ROBO1: variants seen among roughly 807,000 people sequenced by gnomAD.
ROBO1 encodes the protein roundabout homolog 1.
In ROBO1, 149 loss-of-function variants were observed where a neutral mutation model predicts 195.9. The ratio of observed to expected loss-of-function variants is 0.76; its 90% confidence interval spans 0.67 to 0.87. The LOEUF (loss-of-function observed/expected upper bound fraction) is 0.87. Ranked by LOEUF, ROBO1 falls within the 40% of genes least tolerant of loss-of-function variation. The pLI, the probability that ROBO1 is intolerant of heterozygous loss-of-function variation, is 0.00. For missense variants in ROBO1, 1,933 were observed against 2,068.3 expected (o/e 0.93, Z 1.27); for synonymous variants, 816 against 733.2 (o/e 1.11, Z -1.82).
At chr3:79,640,752 G>T (rs1312428844) in intron 1 of ROBO1, among the ~76,000 whole-genome samples, 2 of 152,006 alleles carry the variant, frequency 1.3e-5, no homozygotes, top group Admixed American at 1.3e-4. Context: ...TTCTTTATTG[G>T]ATTTTAATCA....
intron 3 of ROBO1, among the ~76,000 whole-genome samples, chr3:78,993,673 G>A (rs1195594662): frequency 6.6e-6 from 1 of 152,082 alleles, no homozygotes; most frequent in African/African-American, 2.4e-5. Context: ...GGGTGGCTGT[G>A]TTTTTTGAAG....
chr3:79,270,064 C>G (rs1279377875), intron 2 of ROBO1, among the ~76,000 whole-genome samples: 17 of 151,706 alleles, frequency 1.1e-4, no homozygotes. Flanking sequence ...CATATGGTAG[C>G]TCAGTTTCTA....
intron 1 of ROBO1, among the ~76,000 whole-genome samples, chr3:79,618,688 A>T (rs1405293310): frequency 6.6e-6 from 1 of 152,136 alleles, no homozygotes; most frequent in Non-Finnish European, 1.5e-5. Flanking sequence ...GCTCACAGAA[A>T]GCCTGTTTCA....
chr3:79,383,589 G>T (rs886279513), intron 2 of ROBO1, among the ~76,000 whole-genome samples: 1 of 152,002 alleles, frequency 6.6e-6, no homozygotes, highest in Admixed American at 6.6e-5. Context: ...GAACTGGAAC[G>T]AAGCCACATT....
At chr3:79,615,371 A>T (rs1007593586) in intron 1 of ROBO1, among the ~76,000 whole-genome samples, 1 of 152,192 alleles carries the variant, frequency 6.6e-6, no homozygotes, top group Non-Finnish European at 1.5e-5. Flanking sequence ...AGACTGAACC[A>T]ATGCACAACG....
At chr3:79,113,037 T>C (rs919545779) in intron 3 of ROBO1, among the ~76,000 whole-genome samples, 3 of 152,048 alleles carry the variant, frequency 2.0e-5, no homozygotes, top group East Asian at 3.9e-4. Flanking sequence ...CCTCACTCAA[T>C]GCAGAAGCTT....
rs1199582352 is a variant in ROBO1 at position 79,175,186 on chromosome 3, A to G, written c.89-49647T>C. Among the ~76,000 whole-genome samples, 4 of 152,330 alleles carry G rather than the reference A, an allele frequency of 2.6e-5. No individual in the cohort carries two copies. In the East Asian group the frequency reaches 7.7e-4, roughly 29 times the overall value. On this transcript the variant is annotated intron_variant, in intron 2 of 30. Coordinates refer to ENST00000464233, the MANE Select transcript of ROBO1 (RefSeq NM_002941.4). ...AGTAGAAACCCCAATGGGCTTAAAC[A>G]TCTTTACTTCTCAAACTTATAATAA...
At chr3:78,891,205 A>G (rs977987706) in intron 4 of ROBO1, among the ~76,000 whole-genome samples, 6 of 152,202 alleles carry the variant, frequency 3.9e-5, no homozygotes, top group Non-Finnish European at 7.3e-5. Context: ...GATTATATAC[A>G]ATGGAAAAAA....
chr3:79,663,996 A>G (rs1946402402), intron 1 of ROBO1, among the ~76,000 whole-genome samples: 1 of 152,106 alleles, frequency 6.6e-6, no homozygotes, highest in African/African-American at 2.4e-5. Context: ...GTCAACGAAT[A>G]GCTGAAACTA....
intron 1 of ROBO1, among the ~76,000 whole-genome samples, chr3:79,741,766 T>G (rs557770818): frequency 6.6e-6 from 1 of 152,312 alleles, no homozygotes; most frequent in Middle Eastern, 3.4e-3. Context: ...GTTAAATGAT[T>G]GTGACAAAAG....
intron 2 of ROBO1, among the ~76,000 whole-genome samples, chr3:79,579,410 C>T (rs985113952): frequency 6.6e-6 from 1 of 152,056 alleles, no homozygotes; most frequent in Non-Finnish European, 1.5e-5. Flanking sequence ...AAGGAAGACA[C>T]CCTTAGGTAG....
At chr3:79,295,431 A>G (rs1164789864) in intron 2 of ROBO1, among the ~76,000 whole-genome samples, 1 of 152,126 alleles carries the variant, frequency 6.6e-6, no homozygotes, top group East Asian at 1.9e-4. Flanking sequence ...GGAGAACATC[A>G]CACACCAGGG....
At chr3:79,654,590 G>A (rs955593190) in intron 1 of ROBO1, among the ~76,000 whole-genome samples, 1 of 151,950 alleles carries the variant, frequency 6.6e-6, no homozygotes, top group African/African-American at 2.4e-5. Context: ...AACTTTAGTT[G>A]TTCTGTCTAT....
chr3:79,096,865 A>G (rs1175941258), intron 3 of ROBO1, among the ~76,000 whole-genome samples: 3 of 151,628 alleles, frequency 2.0e-5, no homozygotes, highest in African/African-American at 7.3e-5. Context: ...AAACCACTCA[A>G]TAAAAGGATT....
chr3:79,127,031 C>A (rs767317602), intron 2 of ROBO1, among the ~76,000 whole-genome samples: 1 of 150,424 alleles, frequency 6.6e-6, no homozygotes, highest in Admixed American at 6.6e-5. Flanking sequence ...AAGTTAAGAT[C>A]TGTGCAGACA....
At chr3:79,230,787 G>C (rs1454668319) in intron 2 of ROBO1, among the ~76,000 whole-genome samples, 1 of 152,080 alleles carries the variant, frequency 6.6e-6, no homozygotes, top group African/African-American at 2.4e-5. Context: ...AAAGAACAAA[G>C]CTGGAGGCAT....
chr3:78,871,231 A>G (rs1218004615), intron 4 of ROBO1, among the ~76,000 whole-genome samples: 1 of 152,190 alleles, frequency 6.6e-6, no homozygotes, highest in Non-Finnish European at 1.5e-5. Flanking sequence ...GGGAAGTGTC[A>G]TAAAGCCTGG....
chr3:78,752,447 G>A (rs1432282078), intron 4 of ROBO1, among the ~76,000 whole-genome samples: 1 of 152,054 alleles, frequency 6.6e-6, no homozygotes, highest in Admixed American at 6.5e-5. Flanking sequence ...TCTTATTGCA[G>A]GTTATTTTGA....
chr3:79,212,345 C>T (rs1165386409), intron 2 of ROBO1, among the ~76,000 whole-genome samples: 1 of 152,208 alleles, frequency 6.6e-6, no homozygotes, highest in African/African-American at 2.4e-5. Context: ...CCTCTCTTGA[C>T]TAGATCTTGT....
Sources: gnomAD v4.1 joint callset for allele counts (sites outside exome capture counted in the v4.1 genomes callset) on GRCh38, gnomAD v4.1.1 for gene constraint, MANE v1.5 for transcripts, NCBI Gene and HGNC (gene_info 2026-07-23, HGNC 2026-07-21) for gene names.